The following LPA variants were observed in gnomAD, a reference collection of about 807,000 sequenced individuals.
LPA encodes the protein lipoprotein(a).
LPA carries 199 observed loss-of-function variants against 197.9 expected under a neutral mutation model. The ratio of observed to expected loss-of-function variants is 1.01; its 90% CI spans 0.90 to 1.13. LPA has a LOEUF of 1.13. Ranked by LOEUF, LPA falls within the 50% of genes most tolerant of loss-of-function variation. The pLI, the probability that LPA is intolerant of heterozygous loss-of-function variation, is 0.00. For missense variants in LPA, 1,853 were observed against 1,785.8 expected (o/e 1.04, Z -0.68); for synonymous variants, 715 against 639.5 (o/e 1.12, Z -1.78).
intron 16 of LPA, among the ~76,000 whole-genome samples, chr6:160,610,133 T>A (rs1329685824): frequency 6.6e-6 from 1 of 152,158 alleles, no homozygotes; most frequent in Non-Finnish European, 1.5e-5. Flanking sequence ...TATTGCCTGA[T>A]TTATTTTCTG....
intron 26 of LPA, among the ~76,000 whole-genome samples, chr6:160,582,365 C>G (rs1267249637): frequency 2.0e-5 from 3 of 151,690 alleles, no homozygotes; most frequent in Admixed American, 1.3e-4. Flanking sequence ...CTGATTTGAT[C>G]TTTTTTTCTT....
At chr6:160,585,309 A>G (rs1485401322) in intron 25 of LPA, 104 bp from the exon 26 acceptor site, 3 of 1,055,306 alleles carry the variant, frequency 2.8e-6, no homozygotes, top group African/African-American at 3.1e-5. Flanking sequence ...AACAATTTAC[A>G]CTCTTCTATA....
At chr6:160,600,684 G>A (rs1187951967) in intron 19 of LPA, among the ~76,000 whole-genome samples, 1 of 152,172 alleles carries the variant, frequency 6.6e-6, no homozygotes, top group Non-Finnish European at 1.5e-5. Context: ...GAGTGGTGAA[G>A]TCGAGCACCC....
chr6:160,601,703 G>A (rs1174582314), intron 18 of LPA, among the ~76,000 whole-genome samples: 6 of 152,230 alleles, frequency 3.9e-5, no homozygotes, highest in Non-Finnish European at 8.8e-5. Flanking sequence ...TACCGTATCA[G>A]GTGGGTCAAG....
At chr6:160,553,282 T>A (rs1778194764) in intron 30 of LPA, among the ~76,000 whole-genome samples, 1 of 152,208 alleles carries the variant, frequency 6.6e-6, no homozygotes, top group Non-Finnish European at 1.5e-5. Context: ...GGGCTCTTCA[T>A]TACTTAGTAT....
chr6:160,577,396 T>C (rs1351052882), intron 27 of LPA, 101 bp from the exon 28 acceptor site: 1 of 1,102,138 alleles, frequency 9.1e-7, no homozygotes, highest in Non-Finnish European at 1.4e-6. Flanking sequence ...CTGAAAATTA[T>C]TACTATTCTT....
chr6:160,580,141 C>T (rs1778764800), intron 26 of LPA, among the ~76,000 whole-genome samples: 1 of 152,180 alleles, frequency 6.6e-6, no homozygotes, highest in African/African-American at 2.4e-5. Context: ...AGACTATACA[C>T]TTTGACGTCT....
chr6:160,553,811 C>T (rs968791510), intron 30 of LPA, among the ~76,000 whole-genome samples: 1 of 152,120 alleles, frequency 6.6e-6, no homozygotes, highest in Non-Finnish European at 1.5e-5. Context: ...CCCAATATCT[C>T]CTTCCCGTCC....
intron 21 of LPA, among the ~76,000 whole-genome samples, chr6:160,594,730 G>A (rs6921516): frequency 0.4 from 61,497 of 152,008 alleles, 13,274 homozygotes; most frequent in African/African-American, 0.57. Context: ...CTTCTTCTCA[G>A]AGACCAACAC....
intron 28 of LPA, among the ~76,000 whole-genome samples, chr6:160,574,074 G>C (rs1562326915): frequency 1.3e-5 from 2 of 152,080 alleles, no homozygotes; most frequent in Non-Finnish European, 1.5e-5. Context: ...TCTTACTGAA[G>C]CTTCTGTATG....
At chr6:160,605,511 G>A (rs577832503) in intron 17 of LPA, among the ~76,000 whole-genome samples, 1 of 152,300 alleles carries the variant, frequency 6.6e-6, no homozygotes, top group African/African-American at 2.4e-5. Flanking sequence ...TGGAAACTGT[G>A]CTCACGTGCA....
At position 160,606,614 on chromosome 6, in the gene LPA, G is replaced by T. The variant is rs1027581642; in HGVS notation, c.2648C>A (p.Ala883Asp). Residue 883 changes from alanine to aspartate, a missense_variant, in exon 17 of 39, where the codon GCC (alanine) becomes GAC (aspartate). This residue lies in a region of LPA where 1,737 missense variants were observed against 1,504.4 expected (regional missense o/e 1.15). Transcript: ENST00000316300. ...NYCRNPDPVAAPYCYTRDPSV... is the reference protein window; with the variant it reads ...NYCRNPDPVADPYCYTRDPSV... ...GGGATCCCTCGTATAACAATAAGGG[G>T]CTGCCACAGGATCTGGATTCCTGCA... 6.2e-7 allele frequency: 1 copy of T among 1,613,796 alleles called. No individual in the cohort carries two copies. Among genetic ancestry groups the T allele is most frequent in the Admixed American group, 1.7e-5 (1 of 59,990 alleles).
At chr6:160,571,208 C>G (rs1690611718) in intron 28 of LPA, among the ~76,000 whole-genome samples, 1 of 152,118 alleles carries the variant, frequency 6.6e-6, no homozygotes, top group Admixed American at 6.5e-5. Flanking sequence ...CTGTGTTTTT[C>G]AGCTCCCTAA....
chr6:160,564,518 G>A (rs570463824), intron 28 of LPA, among the ~76,000 whole-genome samples: 87 of 152,186 alleles, frequency 5.7e-4, no homozygotes, highest in Admixed American at 2.0e-3. Flanking sequence ...CCTTGTGATC[G>A]TGAGAGAGGG....
At position 160,647,133 on chromosome 6, in the gene LPA, A is replaced by G. The variant is rs369571945; in HGVS notation, c.210-738T>C. ...GGACCTTCTCTCCTGCTCTCAGTCT[A>G]TCCTCTGCTGTCCACAGCCACTCCA... On this transcript the variant is annotated intron_variant, in intron 2 of 38. Transcript: ENST00000316300. Among the ~76,000 whole-genome samples, 19 of 152,274 alleles carry G rather than the reference A, an allele frequency of 1.2e-4. No individual in the cohort carries two copies. The East Asian group carries it at 1.4e-3, about 11-fold the overall frequency.
rs757541794 is a variant in LPA, at chr6:160,594,109, C to G, written c.3478G>C (p.Glu1160Gln). ...TEASSEEAPTEQSPGVQDCYH... is the reference protein window; with the variant it reads ...TEASSEEAPTQQSPGVQDCYH... The stretch of plus-strand genomic sequence containing the variant: ...CAATCCTGGACCCCGGGGCTTTGCT[C>G]CGTTGGTGCTGAAATTCAAAGAGGA... The change falls in exon 22 of 39, where the codon GAG becomes CAG. Residue 1160 changes from glutamate to glutamine, a missense_variant. Coordinates refer to ENST00000316300, the MANE Select transcript of LPA (RefSeq NM_005577.4). 2 of 1,613,786 alleles carry G rather than the reference C, an allele frequency of 1.2e-6. No homozygotes were observed. The highest frequency in any genetic ancestry group is 1.7e-6 in the Non-Finnish European group (2 of 1,179,808).
At chr6:160,549,667 T>C (rs41264332) in intron 30 of LPA, among the ~76,000 whole-genome samples, 3,147 of 152,262 alleles carry the variant, frequency 0.021, 106 homozygotes, top group African/African-American at 0.072. Flanking sequence ...TCAAGTGAGT[T>C]TGAGTCTAAA....
intron 24 of LPA, 25 bp from the exon 25 acceptor site, chr6:160,586,655 T>C (rs188240039): frequency 6.2e-7 from 1 of 1,613,268 alleles, no homozygotes; most frequent in Non-Finnish European, 8.5e-7. Flanking sequence ...ACAATACAGG[T>C]CACCAGAGAT....
intron 2 of LPA, among the ~76,000 whole-genome samples, chr6:160,647,061 C>G (rs2115093714): frequency 6.6e-6 from 1 of 152,310 alleles, no homozygotes; most frequent in East Asian, 1.9e-4. Context: ...CCCTGGAAAA[C>G]TTGCTCCCAG....
Sources: gnomAD v4.1 joint callset for allele counts (sites outside exome capture counted in the v4.1 genomes callset) on GRCh38, gnomAD v4.1.1 for gene constraint, gnomAD v4.1.1 regional missense constraint, MANE v1.5 for transcripts, NCBI Gene and HGNC (gene_info 2026-07-23, HGNC 2026-07-21) for gene names.